The following KCNMB2 variants were observed in gnomAD, a reference collection of about 807,000 sequenced individuals.
KCNMB2 encodes potassium calcium-activated channel subfamily M regulatory beta subunit 2.
A neutral mutation model predicts 24.5 loss-of-function variants in KCNMB2; 9 were observed. The observed-to-expected ratio is 0.37, with a 90% CI of 0.22 to 0.64. The LOEUF is 0.64. KCNMB2 is among the 30% of genes least tolerant of loss of function. The probability of loss-of-function intolerance (pLI) is 0.63; values close to 1 mark genes in which losing one functional copy is unlikely to be tolerated. For synonymous variants in KCNMB2, 109 were observed against 104.4 expected (o/e 1.04, Z -0.27); for missense variants, 226 against 284.3 (o/e 0.79, Z 1.47).
chr3:178,766,313 C>T (rs1712119220), intron 1 of KCNMB2, among the ~76,000 whole-genome samples: 1 of 152,280 alleles, frequency 6.6e-6, no homozygotes, highest in African/African-American at 2.4e-5. Context: ...CCTGCCTTGG[C>T]CTCCCAAGTA....
At chr3:178,585,411 G>C (rs565844868) in intron 1 of KCNMB2, among the ~76,000 whole-genome samples, 5 of 152,304 alleles carry the variant, frequency 3.3e-5, no homozygotes, top group African/African-American at 1.2e-4. Context: ...CACTAGACTA[G>C]AGAACTTCTT....
At chr3:178,605,207 T>C (rs1718229911) in intron 1 of KCNMB2, among the ~76,000 whole-genome samples, 1 of 152,254 alleles carries the variant, frequency 6.6e-6, no homozygotes, top group East Asian at 1.9e-4. Flanking sequence ...AAAGCCCTTA[T>C]AAAAGAGCTC....
chr3:178,563,787 C>T (rs181707691), intron 1 of KCNMB2, among the ~76,000 whole-genome samples: 242 of 152,192 alleles, frequency 1.6e-3, no homozygotes, highest in African/African-American at 5.7e-3. Context: ...AGAGCATAGG[C>T]GTAGTGATGA....
At chr3:178,656,490 A>C (rs905366402) in intron 1 of KCNMB2, among the ~76,000 whole-genome samples, 5 of 152,152 alleles carry the variant, frequency 3.3e-5, no homozygotes, top group Non-Finnish European at 5.9e-5. Context: ...TGCTGTGCTC[A>C]GGCTGGGTGC....
At chr3:178,687,558 GAAT>G (rs1721511228) in intron 1 of KCNMB2, among the ~76,000 whole-genome samples, 1 of 152,186 alleles carries the variant, frequency 6.6e-6, no homozygotes, top group African/African-American at 2.4e-5. Flanking sequence ...AACAACTGGA[GAAT>G]GATACGCAAA....
intron 1 of KCNMB2, among the ~76,000 whole-genome samples, chr3:178,653,845 C>A (rs570311363): frequency 6.6e-6 from 1 of 152,052 alleles, no homozygotes; most frequent in Non-Finnish European, 1.5e-5. Context: ...TTGAAATTGG[C>A]CTATAATTTT....
intron 1 of KCNMB2, among the ~76,000 whole-genome samples, chr3:178,716,304 T>G (rs1022879957): frequency 1.3e-5 from 2 of 152,178 alleles, no homozygotes; most frequent in African/African-American, 4.8e-5. Context: ...CGTTATCACA[T>G]TTATCTCCCT....
chr3:178,777,805 T>A (rs577391040), intron 1 of KCNMB2, among the ~76,000 whole-genome samples: 37 of 152,312 alleles, frequency 2.4e-4, no homozygotes, highest in African/African-American at 8.2e-4. Flanking sequence ...ATAGTAATTA[T>A]TTTTAGTAAA....
intron 1 of KCNMB2, among the ~76,000 whole-genome samples, chr3:178,578,195 C>A (rs1478642150): frequency 6.6e-6 from 1 of 152,198 alleles, no homozygotes; most frequent in Non-Finnish European, 1.5e-5. Context: ...AGAAACCCTG[C>A]AAGCCAGAAT....
intron 1 of KCNMB2, among the ~76,000 whole-genome samples, chr3:178,805,054 G>C (rs1348681040): frequency 6.6e-6 from 1 of 152,220 alleles, no homozygotes; most frequent in Non-Finnish European, 1.5e-5. Context: ...AGAGATAGCA[G>C]ATTTAATTTC....
intron 1 of KCNMB2, among the ~76,000 whole-genome samples, chr3:178,750,241 G>A (rs1452586960): frequency 6.6e-6 from 1 of 151,878 alleles, no homozygotes; most frequent in Non-Finnish European, 1.5e-5. Flanking sequence ...TAGAAAATAG[G>A]GCATGGTGAT....
At chr3:178,677,452 CT>C (rs1414967672) in intron 1 of KCNMB2, among the ~76,000 whole-genome samples, 2 of 152,208 alleles carry the variant, frequency 1.3e-5, no homozygotes, top group African/African-American at 4.8e-5. Flanking sequence ...AAGTCCCCAC[CT>C]GACGCAGACA....
chr3:178,741,789 C>A (rs1444033396), intron 1 of KCNMB2, among the ~76,000 whole-genome samples: 1 of 152,176 alleles, frequency 6.6e-6, no homozygotes, highest in Non-Finnish European at 1.5e-5. Context: ...TAGATGCCTG[C>A]TGAGGGGATG....
chr3:178,686,211 A>G (rs543449875), intron 1 of KCNMB2, among the ~76,000 whole-genome samples: 20 of 152,224 alleles, frequency 1.3e-4, no homozygotes, highest in Non-Finnish European at 2.5e-4. Flanking sequence ...AGACAGATTA[A>G]CAAGAGAAAA....
intron 1 of KCNMB2, among the ~76,000 whole-genome samples, chr3:178,568,762 A>G (rs1387227445): frequency 4.6e-5 from 6 of 130,082 alleles, no homozygotes; most frequent in Non-Finnish European, 9.7e-5. Flanking sequence ...GATAGATGAT[A>G]GATAGATAGA....
At chr3:178,705,944 T>G (rs751390186) in intron 1 of KCNMB2, among the ~76,000 whole-genome samples, 1 of 152,094 alleles carries the variant, frequency 6.6e-6, no homozygotes, top group Non-Finnish European at 1.5e-5. Flanking sequence ...AAGGCACAAA[T>G]GTAGAAGACA....
intron 1 of KCNMB2, among the ~76,000 whole-genome samples, chr3:178,674,594 C>T (rs763355249): frequency 5.3e-5 from 8 of 152,148 alleles, no homozygotes; most frequent in Non-Finnish European, 8.8e-5. Context: ...TCTCTCACAT[C>T]AATTATCTCA....
At chr3:178,834,987 T>C (rs1232321921) in intron 4 of KCNMB2, among the ~76,000 whole-genome samples, 8 of 151,906 alleles carry the variant, frequency 5.3e-5, no homozygotes, top group Non-Finnish European at 1.2e-4. Flanking sequence ...AGATTAGATA[T>C]CAGCCTCACT....
chr3:178,780,689 G>A lies in KCNMB2; in HGVS notation c.-67-26654G>A, dbSNP rs191386678. Among the ~76,000 whole-genome samples, 342 of 152,212 alleles carry A rather than the reference G, an allele frequency of 2.2e-3. 2 individuals are homozygous for A. The highest frequency in any genetic ancestry group is 7.6e-3 in the African/African-American group (316 of 41,534). ...TCAAACTAACTTGGGTTTGAATCCC[G>A]TATCTACTACTTGAAAATTTGCATG... On this transcript the variant is annotated intron_variant, in intron 1 of 4. Transcript: ENST00000452583.
Sources: gnomAD v4.1 joint callset for allele counts (sites outside exome capture counted in the v4.1 genomes callset) on GRCh38, gnomAD v4.1.1 for gene constraint, MANE v1.5 for transcripts, NCBI Gene and HGNC (gene_info 2026-07-23, HGNC 2026-07-21) for gene names.